The following SGK3 variants were observed in gnomAD, a reference collection of about 807,000 sequenced individuals.
SGK3 encodes the protein serum/glucocorticoid regulated kinase family member 3, also known as serine/threonine-protein kinase Sgk3.
SGK3 carries 47 observed loss-of-function variants against 68.5 expected under a neutral mutation model. That is an observed-to-expected ratio of 0.69 (90% confidence interval 0.54 to 0.87). The LOEUF is 0.87. Among genes scored for constraint, SGK3 ranks in the 40% least tolerant of loss-of-function variants. SGK3 has a pLI of 0.00. For synonymous variants in SGK3, 181 were observed against 189.1 expected (o/e 0.96, Z 0.35); for missense variants, 479 against 575.5 (o/e 0.83, Z 1.72).
chr8:66,744,918 TGTAA>T (rs1448189636), intron 1 of SGK3, among the ~76,000 whole-genome samples: 1 of 152,052 alleles, frequency 6.6e-6, no homozygotes, highest in African/African-American at 2.4e-5. Context: ...GTCTGTTTTC[TGTAA>T]GTCTTTGTCA....
chr8:66,783,451 G>A (rs2130535307), intron 1 of SGK3, among the ~76,000 whole-genome samples: 1 of 152,274 alleles, frequency 6.6e-6, no homozygotes, highest in African/African-American at 2.4e-5. Context: ...TGCCTTTGGT[G>A]TAGCATTTGC....
chr8:66,731,411 C>T (rs1005908428), intron 1 of SGK3, among the ~76,000 whole-genome samples: 21 of 152,090 alleles, frequency 1.4e-4, no homozygotes, highest in South Asian at 2.1e-4. Context: ...TATGAAAATT[C>T]GTTACCAAGA....
intron 1 of SGK3, among the ~76,000 whole-genome samples, chr8:66,738,261 T>C (rs1382597676): frequency 6.6e-6 from 1 of 152,184 alleles, no homozygotes; most frequent in Non-Finnish European, 1.5e-5. Context: ...ATTTCTACCA[T>C]AGTATTTTGA....
intron 1 of SGK3, among the ~76,000 whole-genome samples, chr8:66,743,792 C>T (rs932200677): frequency 4.6e-5 from 7 of 152,380 alleles, no homozygotes; most frequent in Non-Finnish European, 7.3e-5. Context: ...AGATTACAGG[C>T]GTGAGCTACC....
At chr8:66,768,752 T>G (rs1162091217) in intron 1 of SGK3, among the ~76,000 whole-genome samples, 2 of 151,808 alleles carry the variant, frequency 1.3e-5, no homozygotes, top group Non-Finnish European at 2.9e-5. Context: ...TTTAGTAGAG[T>G]CAGGGTTTCA....
intron 1 of SGK3, among the ~76,000 whole-genome samples, chr8:66,725,583 A>G (rs1804963589): frequency 6.6e-6 from 1 of 151,814 alleles, no homozygotes; most frequent in African/African-American, 2.4e-5. Context: ...ATAGATCTAT[A>G]TATATCTAGC....
At chr8:66,774,478 A>G (rs540116091) in intron 1 of SGK3, among the ~76,000 whole-genome samples, 1 of 152,172 alleles carries the variant, frequency 6.6e-6, no homozygotes, top group East Asian at 1.9e-4. Context: ...TGATGCTTCC[A>G]GCCGTTTTTC....
At chr8:66,808,876 AT>A (rs896383568) in intron 4 of SGK3, among the ~76,000 whole-genome samples, 1 of 148,536 alleles carries the variant, frequency 6.7e-6, no homozygotes, top group African/African-American at 2.5e-5. Context: ...TTATTTATTT[AT>A]TTATTTTTTG....
intron 1 of SGK3, among the ~76,000 whole-genome samples, chr8:66,764,033 G>T (rs569240008): frequency 2.0e-5 from 3 of 151,894 alleles, no homozygotes; most frequent in Non-Finnish European, 2.9e-5. Context: ...CACCACACCC[G>T]GCTAATTTTT....
chr8:66,813,785 A>T (rs971769256), intron 4 of SGK3, 68 bp from the exon 5 acceptor site: 4 of 1,365,798 alleles, frequency 2.9e-6, no homozygotes, highest in Middle Eastern at 1.9e-4. Flanking sequence ...CTTGTCTATT[A>T]TATAACTGTT....
chr8:66,752,016 C>T (rs1241611856), intron 1 of SGK3, among the ~76,000 whole-genome samples: 2 of 152,096 alleles, frequency 1.3e-5, no homozygotes, highest in African/African-American at 2.4e-5. Flanking sequence ...TCGCCCACCT[C>T]GGCCTCCCAA....
At chr8:66,850,069 G>A (rs1296992141) in intron 15 of SGK3, among the ~76,000 whole-genome samples, 1 of 152,096 alleles carries the variant, frequency 6.6e-6, no homozygotes, top group African/African-American at 2.4e-5. Context: ...TTCACCTTAT[G>A]TGACAGTCCC....
At chr8:66,761,598 G>T (rs62512657) in intron 1 of SGK3, among the ~76,000 whole-genome samples, 1 of 152,000 alleles carries the variant, frequency 6.6e-6, no homozygotes, top group South Asian at 2.1e-4. Flanking sequence ...GCAAAACCCC[G>T]TCTCTACTAA....
At chr8:66,850,738 C>T (rs1810247792) in intron 15 of SGK3, 93 bp from the exon 16 acceptor site, 1 of 1,238,220 alleles carries the variant, frequency 8.1e-7, no homozygotes, top group African/African-American at 1.5e-5. Context: ...TATTGAGGGG[C>T]AAAATAGTAA....
intron 5 of SGK3, among the ~76,000 whole-genome samples, chr8:66,818,938 A>G (rs1036188403): frequency 1.3e-5 from 2 of 152,204 alleles, no homozygotes; most frequent in African/African-American, 4.8e-5. Flanking sequence ...TGTGGGTTGT[A>G]GAGTATATGT....
intron 3 of SGK3, among the ~76,000 whole-genome samples, chr8:66,800,561 T>A (rs551379509): frequency 4.6e-5 from 7 of 152,072 alleles, no homozygotes; most frequent in African/African-American, 1.7e-4. Context: ...TACACATATA[T>A]ATCAATTAAG....
intron 1 of SGK3, among the ~76,000 whole-genome samples, chr8:66,782,993 C>T (rs1807053215): frequency 6.6e-6 from 1 of 152,116 alleles, no homozygotes; most frequent in African/African-American, 2.4e-5. Context: ...GGGTAAATAC[C>T]AAGGAGTGCA....
intron 5 of SGK3, among the ~76,000 whole-genome samples, chr8:66,820,975 G>C (rs1305034110): frequency 6.6e-6 from 1 of 152,044 alleles, no homozygotes; most frequent in Non-Finnish European, 1.5e-5. Flanking sequence ...CAGAGCATTG[G>C]GATTACAGGC....
At chr8:66,805,546 G>A (rs1808124186) in intron 4 of SGK3, among the ~76,000 whole-genome samples, 1 of 151,638 alleles carries the variant, frequency 6.6e-6, no homozygotes, top group South Asian at 2.1e-4. Flanking sequence ...AAGAGAGAGG[G>A]ACATCCTATT....
Sources: gnomAD v4.1 joint callset for allele counts (sites outside exome capture counted in the v4.1 genomes callset) on GRCh38, gnomAD v4.1.1 for gene constraint, MANE v1.5 for transcripts, NCBI Gene and HGNC (gene_info 2026-07-23, HGNC 2026-07-21) for gene names.